The following MRTFA variants were observed in gnomAD, a reference collection of about 807,000 sequenced individuals.
The protein encoded by MRTFA is myocardin related transcription factor A.
In MRTFA, 20 loss-of-function variants were observed where a neutral mutation model predicts 83.5. The ratio of observed to expected loss-of-function variants is 0.24; its 90% CI spans 0.17 to 0.35. MRTFA has a LOEUF of 0.35. MRTFA is among the 10% of genes least tolerant of loss of function. MRTFA has a pLI of 1.00. For synonymous variants in MRTFA, 659 were observed against 541.2 expected (o/e 1.22, Z -3.02); for missense variants, 1,200 against 1,224.7 (o/e 0.98, Z 0.30).
At chr22:40,572,650 A>C (rs549096292) in intron 2 of MRTFA, among the ~76,000 whole-genome samples, 1 of 152,182 alleles carries the variant, frequency 6.6e-6, no homozygotes, top group African/African-American at 2.4e-5. Flanking sequence ...TGGGAAGAAA[A>C]GAGGTTTAAC....
At chr22:40,441,647 C>A (rs570089464) in intron 4 of MRTFA, among the ~76,000 whole-genome samples, 1 of 151,892 alleles carries the variant, frequency 6.6e-6, no homozygotes, top group Admixed American at 6.6e-5. Flanking sequence ...ATTAGCTGGG[C>A]GTGGTGGTGC....
chr22:40,424,384 G>T lies in MRTFA; in HGVS notation c.602-3C>A. ...TTTGGGATAGTTCACCTGGCCCACT[G>T]AAACCCAAAGCTGGTGTGAGATTCC... is the stretch of plus-strand genomic sequence containing the variant. On this transcript the variant is annotated splice_polypyrimidine_tract_variant and splice_region_variant and intron_variant, in intron 7 of 14. Coordinates refer to ENST00000355630, the MANE Select transcript of MRTFA (RefSeq NM_020831.6). The T allele has an allele frequency of 6.2e-7, 1 of 1,612,842 alleles. No individual in the cohort carries two copies.
At chr22:40,610,017 T>TC (rs1434599533) in intron 1 of MRTFA, among the ~76,000 whole-genome samples, 1 of 151,264 alleles carries the variant, frequency 6.6e-6, no homozygotes, top group African/African-American at 2.4e-5. Flanking sequence ...TACATGCAAT[T>TC]CCAAATGTCT....
chr22:40,449,042 G>A (rs769436818), intron 4 of MRTFA, among the ~76,000 whole-genome samples: 1 of 152,126 alleles, frequency 6.6e-6, no homozygotes, highest in Non-Finnish European at 1.5e-5. Flanking sequence ...GAGGCGGGTG[G>A]ATCATGAGGT....
At chr22:40,525,420 G>C (rs73422622) in intron 3 of MRTFA, among the ~76,000 whole-genome samples, 3 of 152,150 alleles carry the variant, frequency 2.0e-5, no homozygotes, top group African/African-American at 7.2e-5. Context: ...AGGTTTGCTT[G>C]AGCCCGGGAG....
At chr22:40,423,245 CG>C (rs2052879942) in intron 9 of MRTFA, among the ~76,000 whole-genome samples, 1 of 152,162 alleles carries the variant, frequency 6.6e-6, no homozygotes, top group African/African-American at 2.4e-5. Flanking sequence ...TTCTGCCTTG[CG>C]GAGTTGTTGA....
intron 4 of MRTFA, among the ~76,000 whole-genome samples, chr22:40,448,721 AAG>A (rs1245603409): frequency 6.6e-6 from 1 of 152,228 alleles, no homozygotes; most frequent in Non-Finnish European, 1.5e-5. Context: ...CACAGCAGAA[AAG>A]AGAGTCACTG....
chr22:40,592,198 G>T (rs150409981), intron 2 of MRTFA, among the ~76,000 whole-genome samples: 2 of 149,034 alleles, frequency 1.3e-5, no homozygotes, highest in Non-Finnish European at 3.0e-5. Context: ...GGAGGCCGGG[G>T]TAGGAGAATT....
At chr22:40,555,079 A>G (rs1046668988) in intron 2 of MRTFA, among the ~76,000 whole-genome samples, 7 of 152,204 alleles carry the variant, frequency 4.6e-5, no homozygotes, top group African/African-American at 7.2e-5. Context: ...TTGGAAGTAA[A>G]TAACTTGTCT....
In MRTFA at chr22:40,497,022, G is replaced by C. The variant is rs1175792088; in HGVS notation, c.242-33736C>G. ...ATTTTTCTGTCAATACTTACTGTCT[G>C]CCTATCAAGTACCAGGTGTTGTGGA... On this transcript the variant is annotated intron_variant, in intron 3 of 14. Transcript: ENST00000355630. Among the ~76,000 whole-genome samples the C allele has an allele frequency of 2.0e-5, 3 of 152,178 alleles. No homozygotes were observed. The East Asian group carries it at 5.8e-4, about 29-fold the overall frequency.
At chr22:40,552,407 A>G (rs1430689229) in intron 2 of MRTFA, 40 bp from the exon 3 acceptor site, 1 of 397,120 alleles carries the variant, frequency 2.5e-6, no homozygotes, top group Admixed American at 4.4e-5. Flanking sequence ...AGATGGTACC[A>G]TGATAATATG....
chr22:40,636,013 G>A (rs1339777480), intron 1 of MRTFA, among the ~76,000 whole-genome samples: 1 of 152,172 alleles, frequency 6.6e-6, no homozygotes, highest in Non-Finnish European at 1.5e-5. Context: ...TGTACACCTG[G>A]CAGCATTCAG....
chr22:40,459,142 G>A (rs895533261), intron 4 of MRTFA, among the ~76,000 whole-genome samples: 4 of 150,804 alleles, frequency 2.7e-5, no homozygotes, highest in South Asian at 2.1e-4. Flanking sequence ...GCAGGATGAC[G>A]GGGTGTTGGG....
intron 4 of MRTFA, 83 bp from the exon 5 acceptor site, chr22:40,435,637 A>C: frequency 6.7e-7 from 1 of 1,489,094 alleles, no homozygotes. Flanking sequence ...AAGGCATCTT[A>C]AATTCATGTT....
chr22:40,510,763 A>C (rs2054654112), intron 3 of MRTFA, among the ~76,000 whole-genome samples: 1 of 152,146 alleles, frequency 6.6e-6, no homozygotes, highest in African/African-American at 2.4e-5. Flanking sequence ...GCACAGCAGA[A>C]GGGGCACCGA....
intron 4 of MRTFA, among the ~76,000 whole-genome samples, chr22:40,452,761 G>A (rs1012013405): frequency 1.5e-5 from 2 of 137,296 alleles, no homozygotes; most frequent in African/African-American, 5.6e-5. Flanking sequence ...AGCCAAGATT[G>A]CCCCACTGCA....
chr22:40,435,399 C>CA (rs933781802), intron 5 of MRTFA, 100 bp downstream of exon 5: 4 of 1,332,850 alleles, frequency 3.0e-6, no homozygotes, highest in Non-Finnish European at 4.3e-6. Context: ...GCTCTGGCCT[C>CA]AGAGTTCTAT....
At chr22:40,571,732 C>T (rs1355145856) in intron 2 of MRTFA, among the ~76,000 whole-genome samples, 1 of 151,264 alleles carries the variant, frequency 6.6e-6, no homozygotes, top group African/African-American at 2.4e-5. Context: ...TCCTGACTAA[C>T]ATGATGAAAC....
In MRTFA at chr22:40,411,765, T is replaced by G. The variant is rs1602188030; in HGVS notation, c.2721A>C (p.Ser907=). 1.3e-6 allele frequency: 2 copies of G among 1,539,994 alleles called. No individual in the cohort carries two copies. Among genetic ancestry groups the G allele is most frequent in the Admixed American group, 1.9e-5 (1 of 52,964 alleles). The stretch of plus-strand genomic sequence containing the variant: ...CCTCCAGGCGTCCAGGGAGGGAGGG[T>G]GAGCCTGGAGGAGGTGGGGCAGCCT... Residue 907 remains serine (S), a synonymous_variant, in exon 15 of 15, where the codon TCA becomes TCC. Coordinates refer to ENST00000355630, the MANE Select transcript of MRTFA (RefSeq NM_020831.6).
Sources: allele counts gnomAD v4.1 joint callset (sites outside exome capture counted in the v4.1 genomes callset), GRCh38; gene constraint gnomAD v4.1.1; transcripts MANE v1.5; gene names NCBI Gene and HGNC (gene_info 2026-07-23, HGNC 2026-07-21).